The following NBEA variants were observed in gnomAD, a reference collection of about 807,000 sequenced individuals.
The protein encoded by NBEA is lysosomal-trafficking regulator 2.
NBEA carries 44 observed loss-of-function variants against 343.4 expected under a neutral mutation model. The ratio of observed to expected loss-of-function variants is 0.13; its 90% CI spans 0.10 to 0.16. The LOEUF is 0.16. Among genes scored for constraint, NBEA ranks in the 10% least tolerant of loss-of-function variants. The pLI is 1.00. For missense variants in NBEA, 2,555 were observed against 3,631.3 expected (o/e 0.70, Z 7.62); for synonymous variants, 1,175 against 1,238.7 (o/e 0.95, Z 1.08).
In NBEA at chr13:35,283,536, TATCTC is replaced by T. The variant is rs2035202225; in HGVS notation, c.5777-6850_5777-6846del. ...TAATTTCTTTATCAATCTTCGAAAA[TATCTC>T]ATGTAACACAGTACCACTGATTTCT... is the stretch of plus-strand genomic sequence containing the variant. On this transcript the variant is annotated intron_variant, in intron 34 of 58. Transcript: ENST00000379939. Among the ~76,000 whole-genome samples, 5 of 152,260 alleles carry T rather than the reference TATCTC, an allele frequency of 3.3e-5. No individual in the cohort carries two copies. The South Asian group carries it at 8.3e-4, about 25-fold the overall frequency.
chr13:35,288,856 A>G (rs1259111511), intron 34 of NBEA, among the ~76,000 whole-genome samples: 1 of 151,958 alleles, frequency 6.6e-6, no homozygotes, highest in Non-Finnish European at 1.5e-5. Flanking sequence ...AGTAGTCAAC[A>G]GGTGATAAAT....
chr13:35,185,789 A>C (rs534655661), intron 30 of NBEA: 1 of 152,262 alleles, frequency 6.6e-6, no homozygotes, highest in East Asian at 1.9e-4. Flanking sequence ...TAAACTTGCT[A>C]TTATTCTTTA....
intron 41 of NBEA, among the ~76,000 whole-genome samples, chr13:35,542,223 A>T (rs1221434564): frequency 6.6e-6 from 1 of 151,512 alleles, no homozygotes; most frequent in African/African-American, 2.4e-5. Flanking sequence ...ATATAATAAC[A>T]TTCCTAAACA....
At chr13:35,484,853 T>A (rs1445051620) in intron 41 of NBEA, among the ~76,000 whole-genome samples, 1 of 152,122 alleles carries the variant, frequency 6.6e-6, no homozygotes, top group African/African-American at 2.4e-5. Context: ...TTATTGATTA[T>A]GTTTCCAAGC....
chr13:35,174,327 C>T (rs955393016), intron 27 of NBEA, among the ~76,000 whole-genome samples: 1 of 152,046 alleles, frequency 6.6e-6, no homozygotes, highest in Non-Finnish European at 1.5e-5. Context: ...TGTTTTTTGA[C>T]ACCCTCGCTA....
chr13:35,334,060 C>T (rs2039094053), intron 36 of NBEA, among the ~76,000 whole-genome samples: 1 of 151,980 alleles, frequency 6.6e-6, no homozygotes, highest in South Asian at 2.1e-4. Context: ...AGTATATACC[C>T]AGCACTGCGA....
chr13:35,481,268 A>G (rs1251590445), intron 41 of NBEA, among the ~76,000 whole-genome samples: 1 of 151,870 alleles, frequency 6.6e-6, no homozygotes, highest in Non-Finnish European at 1.5e-5. Context: ...TTGGGAGTAT[A>G]CTTGTAAGAA....
In NBEA at chr13:35,663,264, C is replaced by T. The variant is rs372185339; in HGVS notation, c.8363-1821C>T. Among the ~76,000 whole-genome samples, 83 of 152,320 alleles carry T rather than the reference C, an allele frequency of 5.4e-4. No individual in the cohort carries two copies. The Middle Eastern group carries it at 0.01, about 19-fold the overall frequency. ...CTGTATTGTTCTACCCATTAACCAACACCTTCCCACCACCCTTGCCAGCCT... is the reference window on the plus strand; with the variant it reads ...CTGTATTGTTCTACCCATTAACCAATACCTTCCCACCACCCTTGCCAGCCT... On this transcript the variant is annotated intron_variant, in intron 55 of 58. Coordinates refer to ENST00000379939, the MANE Select transcript of NBEA (RefSeq NM_001385012.1).
intron 30 of NBEA, among the ~76,000 whole-genome samples, chr13:35,184,700 A>G (rs1047803255): frequency 3.3e-5 from 5 of 152,090 alleles, no homozygotes; most frequent in South Asian, 2.1e-4. Context: ...ATGTTTTTCA[A>G]TGTAATGGAA....
At chr13:35,509,936 G>A (rs2077212863) in intron 41 of NBEA, among the ~76,000 whole-genome samples, 1 of 152,110 alleles carries the variant, frequency 6.6e-6, no homozygotes, top group African/African-American at 2.4e-5. Flanking sequence ...TAAAAGGGGA[G>A]CTCATTTCAG....
intron 34 of NBEA, among the ~76,000 whole-genome samples, chr13:35,241,759 A>G (rs1041376315): frequency 5.3e-5 from 8 of 151,920 alleles, no homozygotes; most frequent in Non-Finnish European, 1.0e-4. Context: ...TGTTGCAGCA[A>G]TGAAGTAAAC....
At chr13:35,507,560 A>G (rs1313892263) in intron 41 of NBEA, among the ~76,000 whole-genome samples, 6 of 152,104 alleles carry the variant, frequency 3.9e-5, no homozygotes, top group Admixed American at 1.3e-4. Context: ...CTGTACCTAC[A>G]GTCTTTCTTA....
intron 41 of NBEA, among the ~76,000 whole-genome samples, chr13:35,539,844 A>G (rs1024330064): frequency 7.5e-6 from 1 of 132,992 alleles, no homozygotes; most frequent in Non-Finnish European, 1.5e-5. Context: ...TGAACCCGGG[A>G]GGCGGAGCTT....
chr13:35,445,782 T>TTATA (rs71081255), intron 39 of NBEA, among the ~76,000 whole-genome samples: 4,622 of 112,496 alleles, frequency 0.041, 157 homozygotes, highest in Admixed American at 0.08. Flanking sequence ...ATATAAATGT[T>TTATA]TATATATATA....
At chr13:35,624,964 A>G (rs1379244376) in intron 48 of NBEA, among the ~76,000 whole-genome samples, 1 of 152,068 alleles carries the variant, frequency 6.6e-6, no homozygotes, top group Admixed American at 6.5e-5. Flanking sequence ...AATACCATAC[A>G]TCTCTGAGAA....
intron 49 of NBEA, among the ~76,000 whole-genome samples, chr13:35,629,156 A>G (rs954684657): frequency 6.6e-6 from 1 of 152,196 alleles, no homozygotes; most frequent in Non-Finnish European, 1.5e-5. Flanking sequence ...ATGATTTCAG[A>G]TAAGTGGAAA....
chr13:35,324,938 T>C (rs1379889379), intron 36 of NBEA, among the ~76,000 whole-genome samples: 1 of 152,048 alleles, frequency 6.6e-6, no homozygotes, highest in Admixed American at 6.6e-5. Context: ...CAACAGAAAA[T>C]ACCTTTTGAG....
rs2084201022 is a variant in NBEA at position 35,645,833 on chromosome 13, A to G, written c.7618-36A>G. On this transcript the variant is annotated intron_variant, in intron 49 of 58. Coordinates refer to ENST00000379939, the MANE Select transcript of NBEA (RefSeq NM_001385012.1). ...CTGAATTTTATTTTGTATAATTGGTAGACTTCATGTCTCATTCTTTTTTTT... is the reference window on the plus strand; with the variant it reads ...CTGAATTTTATTTTGTATAATTGGTGGACTTCATGTCTCATTCTTTTTTTT... 1.2e-5 allele frequency: 15 copies of G among 1,299,674 alleles called. No homozygotes were observed. In the East Asian group the frequency reaches 3.7e-4, roughly 32 times the overall value. The allele number at this position is 1,299,674 out of a possible 1,614,324, so 80.5% of individuals were successfully genotyped here.
rs141467339 is a variant in NBEA, at chr13:35,392,222, CAAAAG to C, written c.6179+39906_6179+39910del. Among the ~76,000 whole-genome samples the C allele has an allele frequency of 4.6e-3, 692 of 151,918 alleles. 7 individuals carry two copies. The highest frequency in any genetic ancestry group is 0.016 in the African/African-American group (646 of 41,446). On this transcript the variant is annotated intron_variant, in intron 38 of 58. Transcript: ENST00000379939. ...CTTTAATCATTTATGAAAATGAAAG[CAAAAG>C]AAAAGATTTATGTTTACTTGCTAGT...
Sources: allele counts gnomAD v4.1 joint callset (sites outside exome capture counted in the v4.1 genomes callset), GRCh38; gene constraint gnomAD v4.1.1; transcripts MANE v1.5; gene names NCBI Gene and HGNC (gene_info 2026-07-23, HGNC 2026-07-21).